TRRAP: variants seen among roughly 807,000 people sequenced by gnomAD.
The protein encoded by TRRAP is transformation/transcription domain associated protein, also known as transformation/transcription domain-associated protein.
TRRAP carries 41 observed loss-of-function variants against 438.8 expected under a neutral mutation model. The observed-to-expected ratio is 0.09, with a 90% CI of 0.07 to 0.12. TRRAP has a LOEUF of 0.12. TRRAP is among the 10% of genes least tolerant of loss of function. TRRAP has a pLI of 1.00. For synonymous variants in TRRAP, 1,994 were observed against 1,962.9 expected (o/e 1.02, Z -0.42); for missense variants, 3,122 against 5,055.1 (o/e 0.62, Z 11.60).
At position 98,994,625 on chromosome 7, in the gene TRRAP, C is replaced by T. The variant is rs776289382; in HGVS notation, c.10086C>T (p.Tyr3362=). The T allele has an allele frequency of 1.2e-6, 2 of 1,614,078 alleles. No homozygotes were observed. The highest frequency in any genetic ancestry group is 1.3e-5 in the African/African-American group (1 of 74,906). ...TCCAACAGGGCCTGGCGAAATGTTA[C>T]TCCGTGGCGTTTGAGAAAAGTGGAG... The part of the protein sequence containing the change: ...RQLQQGLAKC[Y]SVAFEKSGAV... Residue 3362 remains tyrosine, a synonymous_variant, in exon 67 of 73, where the codon TAC becomes TAT. Transcript: ENST00000456197. The surrounding 1 kb of genome is among the most constrained non-coding windows in gnomAD (Gnocchi z 4.8).
rs782028401 is a variant in TRRAP, at chr7:98,950,279, T to A, written c.5334+17T>A. On this transcript the variant is annotated intron_variant, in intron 38 of 72. Transcript: ENST00000456197. ...AAAGCTAAAGTGAGTCCCACTCTTA[T>A]GCTGTAGAAGGGTATGGGTATTTGG... 1 of 1,613,992 alleles carries A rather than the reference T, an allele frequency of 6.2e-7. No homozygotes were observed. Among genetic ancestry groups the A allele is most frequent in the African/African-American group, 1.3e-5 (1 of 74,928 alleles).
chr7:98,957,621 C>T (rs557514755), intron 43 of TRRAP, among the ~76,000 whole-genome samples: 2 of 152,328 alleles, frequency 1.3e-5, no homozygotes, highest in South Asian at 2.1e-4. Flanking sequence ...CTGGTTCTGG[C>T]CCTGTGCTCA....
At chr7:98,937,056 C>G in intron 28 of TRRAP, 100 bp from the exon 29 acceptor site, 2 of 1,390,306 alleles carry the variant, frequency 1.4e-6, no homozygotes, top group Non-Finnish European at 9.5e-7. Flanking sequence ...AGCAAGACAC[C>G]TTCTCTACCA....
chr7:98,933,238 C>T lies in TRRAP; in HGVS notation c.3853-3C>T. On this transcript the variant is annotated splice_region_variant and splice_polypyrimidine_tract_variant and intron_variant, in intron 26 of 72. Transcript: ENST00000456197. ...AGTGGTGCCTCCTCCTTGGCTTCCC[C>T]AGGTCCTGCAGGATATGGTCCCCCC... 1 of 1,610,020 alleles carries T rather than the reference C, an allele frequency of 6.2e-7. No homozygotes were observed. Among genetic ancestry groups the T allele is most frequent in the African/African-American group, 1.3e-5 (1 of 74,958 alleles).
chr7:98,976,857 A>G lies in TRRAP; in HGVS notation c.8248-82A>G, dbSNP rs1792682945. ...AAATACTCCTCCCAAATGATTTCAA[A>G]TGACAGCACAGTGAAACTATTTTTA... On this transcript the variant is annotated intron_variant, in intron 55 of 72. Coordinates refer to ENST00000456197, the MANE Select transcript of TRRAP (RefSeq NM_001375524.1). This position sits in a 1 kb window ranked among gnomAD's most constrained non-coding sequence, Gnocchi z 4.6. 2 of 1,600,668 alleles carry G rather than the reference A, an allele frequency of 1.2e-6. No homozygotes were observed. The highest frequency in any genetic ancestry group is 1.7e-6 in the Non-Finnish European group (2 of 1,172,170).
At chr7:98,905,080 CCTAT>C (rs1338296746) in intron 12 of TRRAP, among the ~76,000 whole-genome samples, 2 of 152,170 alleles carry the variant, frequency 1.3e-5, no homozygotes, top group African/African-American at 4.8e-5. Context: ...AATTTCATCT[CCTAT>C]CACTCCTCCC....
rs578015805 is a variant in TRRAP, at chr7:99,001,205, C to T, written c.10310-2985C>T. On this transcript the variant is annotated intron_variant, in intron 67 of 72. Coordinates refer to ENST00000456197, the MANE Select transcript of TRRAP (RefSeq NM_001375524.1). ...GCAGTTGCTCCAGGCAGTCTGGGGG[C>T]GCAGCTCCCTGTTCGTGATGTGTGG... Among the ~76,000 whole-genome samples the T allele has an allele frequency of 9.2e-5, 14 of 152,314 alleles. No homozygotes were observed. In the South Asian group the frequency reaches 1.7e-3, roughly 18 times the overall value.
intron 62 of TRRAP, among the ~76,000 whole-genome samples, chr7:98,985,262 A>G (rs1180712195): frequency 2.0e-5 from 3 of 152,190 alleles, no homozygotes; most frequent in Non-Finnish European, 2.9e-5. Flanking sequence ...GCTTTTCTCA[A>G]ATGAGCTACT....
rs769337224 is a variant in TRRAP at position 98,970,259 on chromosome 7, C to T, written c.7660C>T (p.Arg2554Trp). 3.7e-6 allele frequency: 6 copies of T among 1,613,138 alleles called. No homozygotes were observed. The highest frequency in any genetic ancestry group is 4.2e-6 in the Non-Finnish European group (5 of 1,180,010). The change falls in exon 52 of 73, where the codon CGG (arginine) becomes TGG (tryptophan). Residue 2554 changes from arginine to tryptophan, a missense_variant. Arg to Trp is a moderately radical substitution (Grantham distance 101, BLOSUM62 -3). Around this residue, in one of 24 missense-constraint regions of TRRAP, gnomAD observed 992 missense variants for 1,281.2 expected, o/e 0.77. Transcript: ENST00000456197. ...AMVTHVKQEPRERENSESKEE... is the reference protein window; with the variant it reads ...AMVTHVKQEPWERENSESKEE... ...GGTCACACATGTCAAGCAGGAGCCC[C>T]GGGAGCGGGAGAACAGCGAGTCCAA... is the stretch of plus-strand genomic sequence containing the variant.
chr7:98,958,896 C>T (rs1036930995), intron 44 of TRRAP, among the ~76,000 whole-genome samples: 1 of 152,110 alleles, frequency 6.6e-6, no homozygotes, highest in Non-Finnish European at 1.5e-5. Flanking sequence ...TTTGGAAATT[C>T]ATTTCTGAAA....
rs1791783595 is a variant in TRRAP, at chr7:98,959,501, G to A, written c.6489+11G>A. The A allele has an allele frequency of 1.2e-6, 2 of 1,612,068 alleles. No individual in the cohort carries two copies. Among genetic ancestry groups the A allele is most frequent in the South Asian group, 1.1e-5 (1 of 90,820 alleles). On this transcript the variant is annotated intron_variant, in intron 45 of 72. Transcript: ENST00000456197. The stretch of plus-strand genomic sequence containing the variant: ...CTGCTGATGACTGTGGTGAGTGCGA[G>A]TGTCTGAAGGGCCAGGGCAGCGCCA...
chr7:98,909,019 A>ATTTTTTT, intron 14 of TRRAP, 57 bp downstream of exon 14: 4 of 1,091,018 alleles, frequency 3.7e-6, no homozygotes, highest in Non-Finnish European at 5.1e-6. Context: ...TTGTGGCTAA[A>ATTTTTTT]TTTTTTTTTT....
At chr7:98,881,045 C>A in intron 1 of TRRAP, 45 bp from the exon 2 acceptor site, 1 of 813,942 alleles carries the variant, frequency 1.2e-6, no homozygotes, top group Non-Finnish European at 1.9e-6. Flanking sequence ...AGATTGTGAT[C>A]CTGTGCCCTC....
Position 98,970,128 on chromosome 7 carries a change from G to A in TRRAP, c.7529G>A (p.Cys2510Tyr). 6.2e-7 allele frequency: 1 copy of A among 1,613,878 alleles called. No individual in the cohort carries two copies. The highest frequency in any genetic ancestry group is 8.5e-7 in the Non-Finnish European group (1 of 1,179,990). The change falls in exon 52 of 73, where the codon TGT becomes TAT. Residue 2510 changes from cysteine (C) to tyrosine (Y), a missense_variant. Physicochemically the swap from Cys to Tyr is radical, Grantham distance 194. Around this residue, in one of 24 missense-constraint regions of TRRAP, gnomAD observed 992 missense variants for 1,281.2 expected, o/e 0.77. Transcript: ENST00000456197. ...CCCTTGCAGCTGCTTCTGGCCGTGT[G>A]TGAGAAGAGCACCCCCATTGGCACC... is the stretch of plus-strand genomic sequence containing the variant. ...KQCIELLLAVCEKSTPIGTSC... is the reference protein window; with the variant it reads ...KQCIELLLAVYEKSTPIGTSC...
In TRRAP at chr7:98,984,239, T is replaced by G; in HGVS notation, c.9169T>G (p.Leu3057Val). Reference protein sequence around the residue: ...QGLVNVALDILSRIHTIPTVP... With the variant: ...QGLVNVALDIVSRIHTIPTVP... ...ACTGGTCAATGTAGCTCTGGATATATTAAGTCGGATTCATACTATTCCAAC... is the reference window on the plus strand; with the variant it reads ...ACTGGTCAATGTAGCTCTGGATATAGTAAGTCGGATTCATACTATTCCAAC... Residue 3057 changes from leucine to valine, a missense_variant, in exon 61 of 73, where the codon TTA becomes GTA. By Grantham distance (32) the Leu-to-Val change is conservative. Transcript: ENST00000456197. The G allele has an allele frequency of 6.2e-7, 1 of 1,614,132 alleles. No homozygotes were observed. The highest frequency in any genetic ancestry group is 2.2e-5 in the East Asian group (1 of 44,876).
At chr7:98,975,370 T>G (rs889342660) in intron 53 of TRRAP, among the ~76,000 whole-genome samples, 2 of 152,202 alleles carry the variant, frequency 1.3e-5, no homozygotes, top group African/African-American at 4.8e-5. Flanking sequence ...GCTGTCAGCA[T>G]GTGCCCCAGC....
intron 20 of TRRAP, among the ~76,000 whole-genome samples, chr7:98,920,871 C>G (rs1789757102): frequency 6.6e-6 from 1 of 152,136 alleles, no homozygotes; most frequent in Non-Finnish European, 1.5e-5. Flanking sequence ...TGAAGTTTCG[C>G]TCTTGTTGCC....
chr7:99,002,268 C>T (rs1793964845), intron 67 of TRRAP, among the ~76,000 whole-genome samples: 1 of 152,206 alleles, frequency 6.6e-6, no homozygotes, highest in Non-Finnish European at 1.5e-5. Context: ...CATGCATACA[C>T]ACATGTGCGC....
At chr7:98,920,413 T>C (rs1286320693) in intron 20 of TRRAP, among the ~76,000 whole-genome samples, 1 of 150,356 alleles carries the variant, frequency 6.7e-6, no homozygotes, top group Non-Finnish European at 1.5e-5. Context: ...GTGGTTGCAG[T>C]GAGCCGAGAT....
Sources: gnomAD v4.1 joint callset for allele counts (sites outside exome capture counted in the v4.1 genomes callset) on GRCh38, gnomAD v4.1.1 for gene constraint, gnomAD v4.1.1 regional missense constraint, Gnocchi (gnomAD v3.1) non-coding constraint, MANE v1.5 for transcripts, NCBI Gene and HGNC (gene_info 2026-07-23, HGNC 2026-07-21) for gene names.